The following KCNU1 variants were observed in gnomAD, a reference collection of about 807,000 sequenced individuals.
The protein encoded by KCNU1 is potassium channel subfamily U member 1.
Under a neutral mutation model 126.8 loss-of-function variants are expected in KCNU1, and 93 were observed. The observed-to-expected ratio is 0.73, with a 90% CI of 0.62 to 0.87. KCNU1 has a LOEUF of 0.87. Among genes scored for constraint, KCNU1 ranks in the 40% least tolerant of loss-of-function variants. The pLI, the probability that KCNU1 is intolerant of heterozygous loss-of-function variation, is 0.00. For missense variants in KCNU1, 1,330 were observed against 1,367.1 expected (o/e 0.97, Z 0.43); for synonymous variants, 523 against 494.2 (o/e 1.06, Z -0.77).
chr8:36,818,254 A>G (rs1269952817), intron 10 of KCNU1, among the ~76,000 whole-genome samples: 1 of 152,224 alleles, frequency 6.6e-6, no homozygotes, highest in Non-Finnish European at 1.5e-5. Context: ...TAGCTTAGGT[A>G]CACAAAATGA....
At position 36,806,339 on chromosome 8, in the gene KCNU1, C is replaced by T. The variant is rs757612843; in HGVS notation, c.539C>T (p.Pro180Leu). 6.2e-7 allele frequency: 1 copy of T among 1,610,384 alleles called. No individual in the cohort carries two copies. Among genetic ancestry groups the T allele is most frequent in the Non-Finnish European group, 8.5e-7 (1 of 1,177,998 alleles). The change falls in exon 5 of 27, where the codon CCA becomes CTA. Residue 180 changes from proline (P) to leucine (L), a missense_variant. Transcript: ENST00000399881. ...TCAATCGTAGACATCTTTACCATCC[C>T]ACCAACCTTTATTTCTTATTATTTG... ...MNSIVDIFTI[P>L]PTFISYYLKS...
At chr8:36,900,076 C>T (rs1807354173) in intron 19 of KCNU1, among the ~76,000 whole-genome samples, 1 of 152,104 alleles carries the variant, frequency 6.6e-6, no homozygotes, top group Admixed American at 6.6e-5. Context: ...TGTCACATCC[C>T]ATGAGATTTC....
chr8:36,869,055 T>C (rs1374586785), intron 19 of KCNU1, among the ~76,000 whole-genome samples: 1 of 152,200 alleles, frequency 6.6e-6, no homozygotes, highest in Non-Finnish European at 1.5e-5. Flanking sequence ...CAAAACTCTC[T>C]TCTTTAGTAA....
intron 23 of KCNU1, among the ~76,000 whole-genome samples, 191 bp from the exon 24 acceptor site, chr8:36,922,299 T>A (rs917419663): frequency 6.6e-6 from 1 of 151,766 alleles, no homozygotes; most frequent in Non-Finnish European, 1.5e-5. Flanking sequence ...AACTATGTAC[T>A]TTGTGGGAAG....
chr8:36,791,004 A>G (rs1046165149), intron 2 of KCNU1, among the ~76,000 whole-genome samples: 1 of 151,976 alleles, frequency 6.6e-6, no homozygotes, highest in Non-Finnish European at 1.5e-5. Flanking sequence ...GATGGAAAAA[A>G]AAAAAAAGGA....
rs547173502 is a variant in KCNU1, at chr8:36,882,382, G to A, written c.2009+17861G>A. On this transcript the variant is annotated intron_variant, in intron 19 of 26. Coordinates refer to ENST00000399881, the MANE Select transcript of KCNU1 (RefSeq NM_001031836.3). ...CCAGAGACAGAGTGTGTAAAAGGGT[G>A]AATTTCAGATAGTTGAGTTTATACA... Among the ~76,000 whole-genome samples the A allele has an allele frequency of 3.9e-5, 6 of 152,280 alleles. 1 individual carries two copies. In the South Asian group the frequency reaches 1.2e-3, roughly 32 times the overall value.
chr8:36,909,498 G>T lies in KCNU1; in HGVS notation c.2294G>T (p.Arg765Leu), dbSNP rs533356839. Residue 765 changes from arginine to leucine, a missense_variant, in exon 21 of 27, where the codon CGA becomes CTA. Physicochemically the swap from Arg to Leu is moderately radical, Grantham distance 102 (BLOSUM62 -2). Around this residue, in one of 3 missense-constraint regions of KCNU1, gnomAD observed 1,054 missense variants for 1,053.9 expected, o/e 1.00. Transcript: ENST00000399881. ...GSLDYLQREW[R>L]FLWNFPQIYI... is the part of the protein sequence containing the mutation. ...CTGGACTATCTACAGAGAGAATGGC[G>T]ATTTCTCTGGAATTTTCCCCAGATA... The T allele has an allele frequency of 1.1e-5, 17 of 1,611,420 alleles. No individual in the cohort carries two copies. The South Asian group carries it at 1.6e-4, about 16-fold the overall frequency.
intron 20 of KCNU1, among the ~76,000 whole-genome samples, chr8:36,907,229 A>G (rs1457169335): frequency 1.3e-5 from 2 of 152,144 alleles, no homozygotes; most frequent in East Asian, 1.9e-4. Context: ...AAAAGGGTCA[A>G]GTAGAAATGA....
intron 26 of KCNU1, among the ~76,000 whole-genome samples, chr8:36,933,886 A>G (rs1808776526): frequency 6.6e-6 from 1 of 152,150 alleles, no homozygotes; most frequent in Non-Finnish European, 1.5e-5. Flanking sequence ...GTGCACAGTC[A>G]TTGCTGAGAG....
At chr8:36,841,732 T>C (rs889270836) in intron 16 of KCNU1, among the ~76,000 whole-genome samples, 2 of 152,046 alleles carry the variant, frequency 1.3e-5, no homozygotes, top group African/African-American at 4.8e-5. Flanking sequence ...GGACAAACTA[T>C]GGCAAAATGG....
At chr8:36,834,544 G>A (rs1804676118) in intron 11 of KCNU1, among the ~76,000 whole-genome samples, 1 of 152,198 alleles carries the variant, frequency 6.6e-6, no homozygotes, top group Admixed American at 6.5e-5. Context: ...CCATTTGAAA[G>A]CAATCTTTTA....
intron 19 of KCNU1, among the ~76,000 whole-genome samples, chr8:36,876,028 C>G (rs1806267588): frequency 6.6e-6 from 1 of 152,030 alleles, no homozygotes; most frequent in Non-Finnish European, 1.5e-5. Flanking sequence ...TAGAGATAGC[C>G]CAGAGGCAAA....
intron 14 of KCNU1, among the ~76,000 whole-genome samples, chr8:36,838,341 C>T (rs1804828986): frequency 6.6e-6 from 1 of 152,140 alleles, no homozygotes; most frequent in South Asian, 2.1e-4. Flanking sequence ...ACTTATCCTC[C>T]TTCATGAAAC....
chr8:36,819,755 T>G (rs1804053142), intron 10 of KCNU1, among the ~76,000 whole-genome samples: 1 of 152,192 alleles, frequency 6.6e-6, no homozygotes, highest in South Asian at 2.1e-4. Context: ...TTAAAGCAAT[T>G]ATCACAATCT....
chr8:36,935,583 C>A lies in KCNU1; in HGVS notation c.3113C>A (p.Pro1038His), dbSNP rs545521708. The A allele has an allele frequency of 6.2e-7, 1 of 1,612,822 alleles. No homozygotes were observed. The highest frequency in any genetic ancestry group is 8.5e-7 in the Non-Finnish European group (1 of 1,179,206). The change falls in exon 27 of 27, where the codon CCC becomes CAC. Residue 1038 changes from proline to histidine, a missense_variant. Around this residue, in one of 3 missense-constraint regions of KCNU1, gnomAD observed 1,054 missense variants for 1,053.9 expected, o/e 1.00. Coordinates refer to ENST00000399881, the MANE Select transcript of KCNU1 (RefSeq NM_001031836.3). ...LPSDLVFCAI[P>H]FSTACYKRNE... is the part of the protein sequence containing the mutation. The stretch of plus-strand genomic sequence containing the variant: ...TCAGATCTTGTGTTTTGTGCCATAC[C>A]CTTCAGCACTGCTTGTTATAAAAGG...
intron 18 of KCNU1, among the ~76,000 whole-genome samples, chr8:36,847,935 A>G (rs1301449770): frequency 2.0e-5 from 3 of 152,204 alleles, no homozygotes; most frequent in Admixed American, 2.0e-4. Context: ...CCAACAGCGT[A>G]TGAGTTCCCT....
chr8:36,835,090 A>G (rs182826690), intron 12 of KCNU1, among the ~76,000 whole-genome samples: 2 of 152,324 alleles, frequency 1.3e-5, no homozygotes, highest in East Asian at 3.9e-4. Flanking sequence ...GCTTCTCCAT[A>G]TAATTCCCTG....
chr8:36,804,243 A>G (rs1219958604), intron 3 of KCNU1, among the ~76,000 whole-genome samples, 155 bp downstream of exon 3: 2 of 152,146 alleles, frequency 1.3e-5, no homozygotes, highest in African/African-American at 4.8e-5. Flanking sequence ...GGCTTCTCCC[A>G]GTAAGCACTA....
At chr8:36,888,558 T>C (rs1186882091) in intron 19 of KCNU1, 2 of 533,660 alleles carry the variant, frequency 3.7e-6, no homozygotes, top group Admixed American at 1.9e-5. Flanking sequence ...ACAAATGGGC[T>C]GTGCCTGGAA....
Sources: gnomAD v4.1 joint callset for allele counts (sites outside exome capture counted in the v4.1 genomes callset) on GRCh38, gnomAD v4.1.1 for gene constraint, gnomAD v4.1.1 regional missense constraint, MANE v1.5 for transcripts, NCBI Gene and HGNC (gene_info 2026-07-23, HGNC 2026-07-21) for gene names.